GNAT3: variants seen among roughly 807,000 people sequenced by gnomAD.
GNAT3 encodes the protein G protein subunit alpha transducin 3, also known as guanine nucleotide-binding protein G(t) subunit alpha-3.
In GNAT3, 31 loss-of-function variants were observed where a neutral mutation model predicts 37.7. That is an observed-to-expected ratio of 0.82 (90% CI 0.62 to 1.11). The LOEUF is 1.11. Among genes scored for constraint, GNAT3 ranks in the 50% most tolerant of loss-of-function variants. The pLI, the probability that GNAT3 is intolerant of heterozygous loss-of-function variation, is 0.00. For synonymous variants in GNAT3, 138 were observed against 139.8 expected (o/e 0.99, Z 0.09); for missense variants, 437 against 412.5 (o/e 1.06, Z -0.51).
chr7:80,462,252 T>A lies in GNAT3; in HGVS notation c.781A>T (p.Thr261Ser). The A allele has an allele frequency of 3.7e-6, 6 of 1,612,398 alleles. No individual in the cohort carries two copies. The highest frequency in any genetic ancestry group is 5.1e-6 in the Non-Finnish European group (6 of 1,178,754). Reference sequence around the variant, plus strand: ...TTGAGGAACAGGACAATGGAGGTTGTTGAAAAATACTTGTGATTACAGATA... The same window carrying A: ...TTGAGGAACAGGACAATGGAGGTTGATGAAAAATACTTGTGATTACAGATA... ...NSICNHKYFS[T>S]TSIVLFLNKK... The change falls in exon 7 of 8, where the codon ACA (threonine) becomes TCA (serine). Residue 261 changes from threonine to serine, a missense_variant. Thr to Ser is a moderately conservative substitution (Grantham distance 58). Coordinates refer to ENST00000398291, the MANE Select transcript of GNAT3 (RefSeq NM_001102386.3).
At chr7:80,487,158 G>A (rs1790500885) in intron 3 of GNAT3, among the ~76,000 whole-genome samples, 1 of 151,910 alleles carries the variant, frequency 6.6e-6, no homozygotes, top group Non-Finnish European at 1.5e-5. Flanking sequence ...GGTATACTAT[G>A]TTGTTTCTTA....
chr7:80,459,222 G>A (rs943835399), intron 7 of GNAT3, among the ~76,000 whole-genome samples: 17 of 152,278 alleles, frequency 1.1e-4, no homozygotes, highest in African/African-American at 3.6e-4. Context: ...AAAGGTAGAT[G>A]ACTAAGGCAC....
chr7:80,488,713 T>A, intron 2 of GNAT3, 37 bp from the exon 3 acceptor site: 1 of 1,463,740 alleles, frequency 6.8e-7, no homozygotes, highest in Non-Finnish European at 9.4e-7. Flanking sequence ...GTGAGTTGAA[T>A]AATTGATTGT....
In GNAT3 at chr7:80,462,037, A is replaced by G. The variant is rs148005782; in HGVS notation, c.874+122T>C. 1.2e-3 allele frequency: 790 copies of G among 674,366 alleles called. 2 individuals carry two copies. The African/African-American group carries it at 0.013, about 11-fold the overall frequency. 41.8% of individuals were successfully genotyped at this position (674,366 alleles called of 1,614,324 possible). A position where few individuals can be genotyped will look rare whatever the true frequency, so the allele number is the denominator to read the frequency against. ...AGATTTTTTTTCCAGTTTGGATCAT[A>G]AAGATAACTCAAAAATGATCATAAG... is the stretch of plus-strand genomic sequence containing the variant. On this transcript the variant is annotated intron_variant, in intron 7 of 7. Transcript: ENST00000398291.
intron 1 of GNAT3, among the ~76,000 whole-genome samples, chr7:80,505,609 G>A (rs1790922512): frequency 6.6e-6 from 1 of 152,094 alleles, no homozygotes; most frequent in South Asian, 2.1e-4. Flanking sequence ...CTTGTGATCT[G>A]CCCACCTTGG....
At chr7:80,465,430 A>G (rs201981855) in intron 5 of GNAT3, among the ~76,000 whole-genome samples, 2 of 152,116 alleles carry the variant, frequency 1.3e-5, no homozygotes, top group African/African-American at 2.4e-5. Context: ...CTTGCAAGGT[A>G]GGTAAGTTTA....
chr7:80,501,817 T>A (rs997437200), intron 1 of GNAT3, among the ~76,000 whole-genome samples: 1 of 151,958 alleles, frequency 6.6e-6, no homozygotes, highest in Non-Finnish European at 1.5e-5. Context: ...GTCATATCAG[T>A]AAACATATGG....
intron 4 of GNAT3, among the ~76,000 whole-genome samples, chr7:80,478,610 A>G (rs1246534426): frequency 6.6e-6 from 1 of 152,196 alleles, no homozygotes; most frequent in Non-Finnish European, 1.5e-5. Context: ...GAATCTTCTC[A>G]GGCAGTTTCA....
Position 80,501,060 on chromosome 7 carries a change from A to C in GNAT3, c.119-6413T>G, listed in dbSNP as rs1454388361. 3.9e-5 allele frequency among the ~76,000 whole-genome samples: 6 copies of C among 152,216 alleles called. No individual in the cohort carries two copies. The South Asian group carries it at 1.0e-3, about 26-fold the overall frequency. Reference sequence around the variant, plus strand: ...ATAAATTGAAAAGAATTTTCTAAAAATGTTTATGTAATTTTGAAATGCTCT... The same window carrying C: ...ATAAATTGAAAAGAATTTTCTAAAACTGTTTATGTAATTTTGAAATGCTCT... On this transcript the variant is annotated intron_variant, in intron 1 of 7. Transcript: ENST00000398291.
At chr7:80,496,002 G>A (rs145364156) in intron 1 of GNAT3, among the ~76,000 whole-genome samples, 8 of 152,120 alleles carry the variant, frequency 5.3e-5, no homozygotes, top group East Asian at 1.9e-4. Flanking sequence ...TTCTTTAGAC[G>A]TCTGTTTACT....
chr7:80,501,111 C>T (rs1790824922), intron 1 of GNAT3, among the ~76,000 whole-genome samples: 1 of 151,864 alleles, frequency 6.6e-6, no homozygotes, highest in African/African-American at 2.4e-5. Flanking sequence ...GATAGAATTC[C>T]CTTATAAAGC....
At position 80,497,622 on chromosome 7, in the gene GNAT3, G is replaced by A. The variant is rs1353647396; in HGVS notation, c.119-2975C>T. 1.0e-4 allele frequency among the ~76,000 whole-genome samples: 12 copies of A among 114,454 alleles called. No homozygotes were observed. The East Asian group carries it at 2.2e-3, about 21-fold the overall frequency. 75.1% of individuals were successfully genotyped at this position (114,454 alleles called of 152,430 possible). A position where few individuals can be genotyped will look rare whatever the true frequency, so the allele number is the denominator to read the frequency against. On this transcript the variant is annotated intron_variant, in intron 1 of 7. Coordinates refer to ENST00000398291, the MANE Select transcript of GNAT3 (RefSeq NM_001102386.3). ...TATACATATACGTATATACATATAC[G>A]TATATACATATACGTATATACATAT...
At chr7:80,470,282 C>T (rs780505393) in intron 5 of GNAT3, among the ~76,000 whole-genome samples, 6 of 151,948 alleles carry the variant, frequency 3.9e-5, no homozygotes, top group South Asian at 2.1e-4. Flanking sequence ...AGCGCAGTGG[C>T]GCGATCTTGG....
intron 5 of GNAT3, among the ~76,000 whole-genome samples, chr7:80,464,836 G>A (rs1156899923): frequency 3.3e-5 from 5 of 151,954 alleles, no homozygotes; most frequent in Non-Finnish European, 7.4e-5. Flanking sequence ...ATGTACTAAT[G>A]CAAAATCACT....
intron 1 of GNAT3, among the ~76,000 whole-genome samples, chr7:80,502,748 C>A (rs1232332148): frequency 1.3e-5 from 2 of 151,816 alleles, no homozygotes; most frequent in African/African-American, 4.8e-5. Flanking sequence ...AATTATCATC[C>A]CTTTCCCTTT....
rs747181121 is a variant in GNAT3, at chr7:80,462,193, C to A, written c.840G>T (p.Lys280Asn). 2.5e-6 allele frequency: 4 copies of A among 1,588,364 alleles called. No homozygotes were observed. The highest frequency in any genetic ancestry group is 1.1e-5 in the South Asian group (1 of 87,774). ...KKDIFQEKVT[K>N]VHLSICFPEY... Reference sequence around the variant, plus strand: ...CTGGAAAGCAGATACTAAGATGCACCTTGGTTACCTTTTCTTGAAAGATAT... The same window carrying A: ...CTGGAAAGCAGATACTAAGATGCACATTGGTTACCTTTTCTTGAAAGATAT... Residue 280 changes from lysine to asparagine, a missense_variant, in exon 7 of 8, where the codon AAG (lysine) becomes AAT (asparagine). Lys to Asn is a moderately conservative substitution (Grantham distance 94). Transcript: ENST00000398291.
chr7:80,486,308 T>TTATGCC (rs1790478055), intron 3 of GNAT3, among the ~76,000 whole-genome samples: 2 of 152,288 alleles, frequency 1.3e-5, no homozygotes, highest in Non-Finnish European at 2.9e-5. Flanking sequence ...GTTGATCTGT[T>TTATGCC]TATGCCATTC....
intron 3 of GNAT3, 26 bp downstream of exon 3, chr7:80,488,509 A>T (rs766836094): frequency 1.3e-6 from 2 of 1,584,048 alleles, no homozygotes; most frequent in Admixed American, 1.7e-5. Context: ...TGCAGGACAT[A>T]CAGCTGTCAT....
chr7:80,502,858 A>G (rs762483094), intron 1 of GNAT3, among the ~76,000 whole-genome samples: 3 of 152,102 alleles, frequency 2.0e-5, no homozygotes, highest in Non-Finnish European at 4.4e-5. Flanking sequence ...TACCGTCCAC[A>G]TGCAGTCTGC....
Sources: allele counts gnomAD v4.1 joint callset (sites outside exome capture counted in the v4.1 genomes callset), GRCh38; gene constraint gnomAD v4.1.1; transcripts MANE v1.5; gene names NCBI Gene and HGNC (gene_info 2026-07-23, HGNC 2026-07-21).